SLC44A5: variants seen among roughly 807,000 people sequenced by gnomAD.
The protein encoded by SLC44A5 is choline transporter-like protein 5.
SLC44A5 carries 57 observed loss-of-function variants against 101.8 expected under a neutral mutation model. That is an observed-to-expected ratio of 0.56 (90% CI 0.45 to 0.70). The LOEUF (loss-of-function observed/expected upper bound fraction) is 0.70, where lower values mean the gene tolerates loss of function less well. SLC44A5 is among the 30% of genes least tolerant of loss of function. SLC44A5 has a pLI of 0.00. For synonymous variants in SLC44A5, 281 were observed against 290.9 expected, an observed-to-expected ratio of 0.97 and a Z score of 0.35; for missense variants, 737 against 853.1, an observed-to-expected ratio of 0.86 and a Z score of 1.70.
At chr1:75,455,736 G>A (rs1302444662) in intron 2 of SLC44A5, among the ~76,000 whole-genome samples, 1 of 151,880 alleles carries the variant, frequency 6.6e-6, no homozygotes, top group African/African-American at 2.4e-5. Context: ...ACATACAAGA[G>A]GCCAACAAAT....
At chr1:75,446,240 T>C (rs965666292) in intron 2 of SLC44A5, among the ~76,000 whole-genome samples, 7 of 152,126 alleles carry the variant, frequency 4.6e-5, no homozygotes, top group Admixed American at 2.0e-4. Context: ...AGTCCAGTCT[T>C]CACTGTGATC....
In SLC44A5 at chr1:75,339,880, C is replaced by T. The variant is rs115706420; in HGVS notation, c.53-250G>A. Among the ~76,000 whole-genome samples the T allele has an allele frequency of 5.7e-3, 870 of 152,226 alleles. 10 individuals are homozygous for T. Among genetic ancestry groups the T allele is most frequent in the African/African-American group, 0.02 (838 of 41,550 alleles). On this transcript the variant is annotated intron_variant, in intron 3 of 23. Transcript: ENST00000370859. ...CCATATACCCAGTGAATGTATCCTC[C>T]CACCATACTGAGTACCAACATTAAA... is the stretch of plus-strand genomic sequence containing the variant.
At chr1:75,676,467 C>A in the SLC44A5 span, among the ~76,000 whole-genome samples, 2 of 152,194 alleles carry the variant, frequency 1.3e-5, no homozygotes, top group Non-Finnish European at 2.9e-5. Context: ...AAACCAAACA[C>A]TGCATGTTCC....
chr1:75,625,242 GC>G, the SLC44A5 span, among the ~76,000 whole-genome samples: 3 of 152,050 alleles, frequency 2.0e-5, no homozygotes, highest in African/African-American at 7.3e-5. Flanking sequence ...TTTCCAAAGA[GC>G]TAAATTTTCC....
intron 3 of SLC44A5, among the ~76,000 whole-genome samples, chr1:75,357,874 A>T (rs1287276257): frequency 2.0e-5 from 3 of 152,176 alleles, no homozygotes; most frequent in East Asian, 3.8e-4. Context: ...TCAAAGAGTT[A>T]TATGTCACAC....
chr1:75,362,743 GC>G (rs1557703403), intron 3 of SLC44A5, among the ~76,000 whole-genome samples: 1 of 151,996 alleles, frequency 6.6e-6, no homozygotes, highest in Non-Finnish European at 1.5e-5. Context: ...TGTTTAATAT[GC>G]CCTTGAGAAG....
intron 2 of SLC44A5, among the ~76,000 whole-genome samples, chr1:75,510,085 G>C (rs1228130010): frequency 1.3e-5 from 2 of 152,124 alleles, no homozygotes; most frequent in African/African-American, 2.4e-5. Flanking sequence ...ACTATCATGG[G>C]AACAGCATGG....
intron 2 of SLC44A5, among the ~76,000 whole-genome samples, chr1:75,501,109 T>C (rs939411601): frequency 6.6e-6 from 1 of 152,170 alleles, no homozygotes; most frequent in African/African-American, 2.4e-5. Context: ...TAGTAGTTTG[T>C]ATTGATATAT....
the SLC44A5 span, among the ~76,000 whole-genome samples, chr1:75,642,662 C>G: frequency 6.6e-6 from 1 of 151,996 alleles, no homozygotes; most frequent in East Asian, 1.9e-4. Flanking sequence ...GAGAGGCTTG[C>G]TGAAGCCATA....
the SLC44A5 span, among the ~76,000 whole-genome samples, chr1:75,677,346 TGA>T: frequency 1.3e-5 from 2 of 152,190 alleles, no homozygotes; most frequent in Non-Finnish European, 2.9e-5. Flanking sequence ...GAAAAAGTGT[TGA>T]GTTTTGTTTT....
intron 1 of SLC44A5, among the ~76,000 whole-genome samples, chr1:75,608,208 A>C (rs1675439528): frequency 6.6e-6 from 1 of 151,964 alleles, no homozygotes. Context: ...AAAACAAAAA[A>C]AAACAAATAA....
At chr1:75,505,528 T>G (rs919369848) in intron 2 of SLC44A5, among the ~76,000 whole-genome samples, 2 of 152,148 alleles carry the variant, frequency 1.3e-5, no homozygotes, top group African/African-American at 2.4e-5. Flanking sequence ...TTATTTTTGG[T>G]CTTTTCAATA....
chr1:75,231,185 G>A (rs1463082189), intron 12 of SLC44A5, among the ~76,000 whole-genome samples: 1 of 152,130 alleles, frequency 6.6e-6, no homozygotes, highest in Admixed American at 6.6e-5. Flanking sequence ...TACTCCAGGA[G>A]TTTCAGGTAT....
intron 6 of SLC44A5, among the ~76,000 whole-genome samples, chr1:75,263,000 A>C (rs529214931): frequency 6.6e-6 from 1 of 152,364 alleles, no homozygotes; most frequent in African/African-American, 2.4e-5. Context: ...TAACGACTTA[A>C]AAATAAGACC....
the SLC44A5 span, among the ~76,000 whole-genome samples, chr1:75,631,539 ATTTTTTT>A: frequency 6.6e-4 from 53 of 80,838 alleles, no homozygotes; most frequent in East Asian, 0.018. Flanking sequence ...CACCTGGCTA[ATTTTTTT>A]TTTTTTTTTT....
the SLC44A5 span, among the ~76,000 whole-genome samples, chr1:75,698,897 G>A: frequency 6.6e-6 from 1 of 152,162 alleles, no homozygotes; most frequent in Non-Finnish European, 1.5e-5. Context: ...GGAAGACAGG[G>A]TATCAGCGAT....
chr1:75,212,510 A>G (rs1215740930), intron 22 of SLC44A5, among the ~76,000 whole-genome samples: 1 of 152,126 alleles, frequency 6.6e-6, no homozygotes, highest in Non-Finnish European at 1.5e-5. Context: ...ATGTTGCTGC[A>G]AAGGACATGA....
At chr1:75,566,539 T>C (rs1274502234) in intron 1 of SLC44A5, among the ~76,000 whole-genome samples, 2 of 152,234 alleles carry the variant, frequency 1.3e-5, no homozygotes, top group African/African-American at 2.4e-5. Context: ...CTCTAACAAC[T>C]TTGTGTTAAA....
In SLC44A5 at chr1:75,273,264, C is replaced by T. The variant is rs115990494; in HGVS notation, c.260+1694G>A. On this transcript the variant is annotated intron_variant, in intron 6 of 23. Transcript: ENST00000370859. The stretch of plus-strand genomic sequence containing the variant: ...CCGAGCCTTTAGTGAATTCATTTAT[C>T]GGGTCTAGGAGCCTTTTGGATGAGT... Among the ~76,000 whole-genome samples the T allele has an allele frequency of 3.9e-3, 595 of 152,188 alleles. 2 individuals carry two copies. The highest frequency in any genetic ancestry group is 0.014 in the Middle Eastern group (4 of 294).
Sources: allele counts gnomAD v4.1 joint callset (sites outside exome capture counted in the v4.1 genomes callset), GRCh38; gene constraint gnomAD v4.1.1; transcripts MANE v1.5; gene names NCBI Gene and HGNC (gene_info 2026-07-23, HGNC 2026-07-21).